The following CYP26A1 variants were observed in gnomAD, a reference collection of about 807,000 sequenced individuals.
CYP26A1 encodes the protein cytochrome P450 family 26 subfamily A member 1, also known as cytochrome P450 26A1.
In CYP26A1, 46 loss-of-function variants were observed where a neutral mutation model predicts 47.4. That is an observed-to-expected ratio of 0.97 (90% CI 0.77 to 1.24). The LOEUF is 1.24. Ranked by LOEUF, CYP26A1 falls within the 50% of genes most tolerant of loss-of-function variation. CYP26A1 has a pLI of 0.00. For missense variants in CYP26A1, 680 were observed against 644.4 expected (o/e 1.06, Z -0.60); for synonymous variants, 277 against 263.7 (o/e 1.05, Z -0.49).
rs762685884 is a variant in CYP26A1 at position 93,075,085 on chromosome 10, G to A, written c.705+16G>A. On this transcript the variant is annotated intron_variant, in intron 3 of 6. Coordinates refer to ENST00000224356, the MANE Select transcript of CYP26A1 (RefSeq NM_000783.4). The stretch of plus-strand genomic sequence containing the variant: ...GCTGTACCGGGTAAGGGCGGCAAAC[G>A]GGCTGCGGACTAGGGGCGCGGGACC... 2 of 1,611,262 alleles carry A rather than the reference G, an allele frequency of 1.2e-6. No individual in the cohort carries two copies. Among genetic ancestry groups the A allele is most frequent in the East Asian group, 4.5e-5 (2 of 44,848 alleles).
In CYP26A1 at chr10:93,076,271, G is replaced by A. The variant is rs1846976086; in HGVS notation, c.1000-273G>A. 4 of 468,800 alleles carry A rather than the reference G, an allele frequency of 8.5e-6. No individual in the cohort carries two copies. The South Asian group carries it at 1.2e-4, about 14-fold the overall frequency. 29.0% of individuals were successfully genotyped at this position (468,800 alleles called of 1,614,324 possible). On this transcript the variant is annotated intron_variant, in intron 5 of 6. Coordinates refer to ENST00000224356, the MANE Select transcript of CYP26A1 (RefSeq NM_000783.4). ...TCCAAGGGCATACATAGTGTGAATA[G>A]CTGATTAGTGTGGGTGGTGGTGGTG...
At position 93,074,956 on chromosome 10, in the gene CYP26A1, C is replaced by T; in HGVS notation, c.592C>T (p.Pro198Ser). ...IAMRILLGCE[P>S]QLAGDGDSEQ... ...CATGCGCATCCTACTGGGCTGCGAA[C>T]CCCAACTGGCGGGCGACGGGGACTC... The change falls in exon 3 of 7, where the codon CCC becomes TCC. Residue 198 changes from proline to serine, a missense_variant. By Grantham distance (74) the Pro-to-Ser change is moderately conservative. Transcript: ENST00000224356. The surrounding 1 kb of genome is among the most constrained non-coding windows in gnomAD (Gnocchi z 5.3). 6.2e-7 allele frequency: 1 copy of T among 1,613,260 alleles called. No homozygotes were observed. Among genetic ancestry groups the T allele is most frequent in the Non-Finnish European group, 8.5e-7 (1 of 1,180,016 alleles).
At chr10:93,076,745 C>T (rs1388866169) in intron 6 of CYP26A1, 49 bp downstream of exon 6, 9 of 1,347,006 alleles carry the variant, frequency 6.7e-6, no homozygotes, top group South Asian at 2.5e-5. Context: ...TTTAAAAACT[C>T]CTCTTTCTTC....
chr10:93,074,960 A>G lies in CYP26A1; in HGVS notation c.596A>G (p.Gln199Arg), dbSNP rs75690427. The change falls in exon 3 of 7, where the codon CAA (glutamine) becomes CGA (arginine). Residue 199 changes from glutamine (Q) to arginine (R), a missense_variant. Physicochemically the swap from Gln to Arg is conservative, Grantham distance 43 (BLOSUM62 1). Coordinates refer to ENST00000224356, the MANE Select transcript of CYP26A1 (RefSeq NM_000783.4). This position sits in a 1 kb window ranked among gnomAD's most constrained non-coding sequence, Gnocchi z 5.3. Reference protein sequence around the residue: ...AMRILLGCEPQLAGDGDSEQQ... With the variant: ...AMRILLGCEPRLAGDGDSEQQ... ...CGCATCCTACTGGGCTGCGAACCCCAACTGGCGGGCGACGGGGACTCCGAG... is the reference window on the plus strand; with the variant it reads ...CGCATCCTACTGGGCTGCGAACCCCGACTGGCGGGCGACGGGGACTCCGAG... 2 of 1,613,178 alleles carry G rather than the reference A, an allele frequency of 1.2e-6. No homozygotes were observed. The highest frequency in any genetic ancestry group is 1.1e-5 in the South Asian group (1 of 91,080).
In CYP26A1 at chr10:93,074,171, G is replaced by A. The variant is rs749577327; in HGVS notation, c.189+48G>A. ...AGGCTGCTTCCCCGGAGCCCGGCGC[G>A]GCTCTGGGCTTCTGCTGAAGTCGGG... On this transcript the variant is annotated intron_variant, in intron 1 of 6. Transcript: ENST00000224356. The surrounding 1 kb of genome is among the most constrained non-coding windows in gnomAD (Gnocchi z 5.3). The A allele has an allele frequency of 1.3e-6, 2 of 1,520,858 alleles. No individual in the cohort carries two copies. The highest frequency in any genetic ancestry group is 8.8e-7 in the Non-Finnish European group (1 of 1,132,328). The allele number at this position is 1,520,858 out of a possible 1,614,324, so 94.2% of individuals were successfully genotyped here.
At position 93,077,286 on chromosome 10, in the gene CYP26A1, T is replaced by C; in HGVS notation, c.1476T>C (p.His492=). The C allele has an allele frequency of 1.3e-6, 2 of 1,537,544 alleles. No homozygotes were observed. Among genetic ancestry groups the C allele is most frequent in the Non-Finnish European group, 1.8e-6 (2 of 1,141,680 alleles). ...PVDNLPARFT[H]FHGEI ...ACAATCTCCCTGCAAGATTCACCCA[T>C]TTCCATGGGGAAATCTGATGAGCTT... The change falls in exon 7 of 7, where the codon CAT becomes CAC. Residue 492 remains histidine (H), a synonymous_variant. Coordinates refer to ENST00000224356, the MANE Select transcript of CYP26A1 (RefSeq NM_000783.4).
rs1439890406 is a variant in CYP26A1, at chr10:93,074,812, G to T, written c.448G>T (p.Glu150Ter). 6.2e-7 allele frequency: 1 copy of T among 1,609,060 alleles called. No homozygotes were observed. Among genetic ancestry groups the T allele is most frequent in the Admixed American group, 1.7e-5 (1 of 60,030 alleles). ...GCGGGCCTTCAGCCGCGAGGCACTC[G>T]AATGCTACGTGCCGGTGATCACCGA... ...IMRAFSREAL[E>*]CYVPVITEEV... The change falls in exon 3 of 7, where the codon GAA becomes TAA. Residue 150 changes from glutamate to a stop codon, truncating the protein, a stop_gained. Coordinates refer to ENST00000224356, the MANE Select transcript of CYP26A1 (RefSeq NM_000783.4). LOFTEE classifies it high-confidence loss of function. The surrounding 1 kb of genome is among the most constrained non-coding windows in gnomAD (Gnocchi z 5.3).
In CYP26A1 at chr10:93,074,245, G is replaced by A. The variant is rs1473204631; in HGVS notation, c.190-63G>A. 7.2e-6 allele frequency: 11 copies of A among 1,525,284 alleles called. No homozygotes were observed. The highest frequency in any genetic ancestry group is 2.2e-4 in the Middle Eastern group (1 of 4,520). 94.5% of individuals were successfully genotyped at this position (1,525,284 alleles called of 1,614,324 possible). A position where few individuals can be genotyped will look rare whatever the true frequency, so the allele number is the denominator to read the frequency against. On this transcript the variant is annotated intron_variant, in intron 1 of 6. Transcript: ENST00000224356. The surrounding 1 kb of genome is among the most constrained non-coding windows in gnomAD (Gnocchi z 5.3). ...TATTGCGGCTAGGAGCAGGGCTGGCGGGAGCGCGGCGCTCCCCGGCGCCCC... is the reference window on the plus strand; with the variant it reads ...TATTGCGGCTAGGAGCAGGGCTGGCAGGAGCGCGGCGCTCCCCGGCGCCCC...
intron 5 of CYP26A1, chr10:93,076,313 G>T: frequency 3.3e-6 from 1 of 303,100 alleles, no homozygotes; most frequent in African/African-American, 2.5e-5. Context: ...GGGTGGGGGG[G>T]CGTGGGGAGA....
intron 6 of CYP26A1, 81 bp from the exon 7 acceptor site, chr10:93,076,882 C>T: frequency 1.8e-6 from 2 of 1,085,908 alleles, no homozygotes; most frequent in Non-Finnish European, 2.7e-6. Flanking sequence ...TAATTTCCCC[C>T]AAAGATATCA....
At position 93,074,583 on chromosome 10, in the gene CYP26A1, C is replaced by A; in HGVS notation, c.414+51C>A. Reference sequence around the variant, plus strand: ...CAGGGAGGGGGACCCCATTTATGAGCGGAATTCCGGCTGATGGATGCTAGG... The same window carrying A: ...CAGGGAGGGGGACCCCATTTATGAGAGGAATTCCGGCTGATGGATGCTAGG... On this transcript the variant is annotated intron_variant, in intron 2 of 6. Transcript: ENST00000224356. This position sits in a 1 kb window ranked among gnomAD's most constrained non-coding sequence, Gnocchi z 5.3. 2 of 1,254,012 alleles carry A rather than the reference C, an allele frequency of 1.6e-6. No individual in the cohort carries two copies. The highest frequency in any genetic ancestry group is 2.3e-6 in the Non-Finnish European group (2 of 854,180). The allele number at this position is 1,254,012 out of a possible 1,614,324, so 77.7% of individuals were successfully genotyped here.
At chr10:93,076,937 C>G (rs765122042) in intron 6 of CYP26A1, 26 bp from the exon 7 acceptor site, 2 of 1,436,832 alleles carry the variant, frequency 1.4e-6, no homozygotes, top group African/African-American at 1.4e-5. Flanking sequence ...GTTTGTCAGC[C>G]CTTGGGGTTT....
rs1318565611 is a variant in CYP26A1, at chr10:93,077,750, A to C, written c.*446A>C. On this transcript the variant is annotated 3_prime_UTR_variant, in exon 7 of 7. Transcript: ENST00000224356. ...ATTCCCTATTTGGAAAATTGATCCA[A>C]GTTAATTTAATTTTTTTTTGGTTTG... 1 of 152,336 alleles carries C rather than the reference A, an allele frequency of 6.6e-6. No homozygotes were observed. The highest frequency in any genetic ancestry group is 6.5e-5 in the Admixed American group (1 of 15,276). 9.4% of individuals were successfully genotyped at this position (152,336 alleles called of 1,614,324 possible). A position where few individuals can be genotyped will look rare whatever the true frequency, so the allele number is the denominator to read the frequency against.
chr10:93,075,880 A>G lies in CYP26A1; in HGVS notation c.919A>G (p.Ser307Gly). ...CTTTGGAGGACACGAAACCACGGCCAGTGCAGCCACATCTCTGATCACTTA... is the reference window on the plus strand; with the variant it reads ...CTTTGGAGGACACGAAACCACGGCCGGTGCAGCCACATCTCTGATCACTTA... ...LLFGGHETTA[S>G]AATSLITYLG... is the part of the protein sequence containing the mutation. The change falls in exon 5 of 7, where the codon AGT (serine) becomes GGT (glycine). Residue 307 changes from serine (S) to glycine (G), a missense_variant. By Grantham distance (56) the Ser-to-Gly change is moderately conservative (BLOSUM62 0). Coordinates refer to ENST00000224356, the MANE Select transcript of CYP26A1 (RefSeq NM_000783.4). 6.2e-7 allele frequency: 1 copy of G among 1,610,808 alleles called. No homozygotes were observed. The highest frequency in any genetic ancestry group is 8.5e-7 in the Non-Finnish European group (1 of 1,176,936).
rs766739833 is a variant in CYP26A1, at chr10:93,075,891, A to G, written c.930A>G (p.Thr310=). 7.4e-6 allele frequency: 12 copies of G among 1,611,360 alleles called. No homozygotes were observed. Among genetic ancestry groups the G allele is most frequent in the East Asian group, 2.2e-5 (1 of 44,870 alleles). ...ACGAAACCACGGCCAGTGCAGCCACATCTCTGATCACTTACCTGGGGCTCT... is the reference window on the plus strand; with the variant it reads ...ACGAAACCACGGCCAGTGCAGCCACGTCTCTGATCACTTACCTGGGGCTCT... The part of the protein sequence containing the change: ...GGHETTASAA[T]SLITYLGLYP... Residue 310 remains threonine (T), a synonymous_variant, in exon 5 of 7, where the codon ACA becomes ACG. Coordinates refer to ENST00000224356, the MANE Select transcript of CYP26A1 (RefSeq NM_000783.4).
At position 93,076,560 on chromosome 10, in the gene CYP26A1, G is replaced by A. The variant is rs1020398563; in HGVS notation, c.1016G>A (p.Ser339Asn). 6.2e-7 allele frequency: 1 copy of A among 1,607,378 alleles called. No individual in the cohort carries two copies. ...ELKSKGLLCK[S>N]NQDNKLDMEI... Reference sequence around the variant, plus strand: ...TTTTGATAGGGTTTACTTTGCAAGAGCAATCAAGACAACAAGTTGGACATG... The same window carrying A: ...TTTTGATAGGGTTTACTTTGCAAGAACAATCAAGACAACAAGTTGGACATG... The change falls in exon 6 of 7, where the codon AGC (serine) becomes AAC (asparagine). Residue 339 changes from serine (S) to asparagine (N), a missense_variant. By Grantham distance (46) the Ser-to-Asn change is conservative (BLOSUM62 1). Coordinates refer to ENST00000224356, the MANE Select transcript of CYP26A1 (RefSeq NM_000783.4).
Position 93,074,405 on chromosome 10 carries a change from A to G in CYP26A1, c.287A>G (p.Asn96Ser). 2.5e-6 allele frequency: 4 copies of G among 1,612,028 alleles called. 1 individual carries two copies. In the South Asian group the frequency reaches 3.3e-5, roughly 13 times the overall value. Residue 96 changes from asparagine (N) to serine (S), a missense_variant, in exon 2 of 7, where the codon AAT becomes AGT. Transcript: ENST00000224356. This position sits in a 1 kb window ranked among gnomAD's most constrained non-coding sequence, Gnocchi z 5.3. ...ACCGTACGGGTGATGGGCGCGGACA[A>G]TGTGCGGCGCATCTTGCTCGGAGAG... is the stretch of plus-strand genomic sequence containing the variant. ...RPTVRVMGAD[N>S]VRRILLGEHR... is the part of the protein sequence containing the mutation.
intron 5 of CYP26A1, 115 bp from the exon 6 acceptor site, chr10:93,076,429 C>G: frequency 1.5e-6 from 1 of 680,964 alleles, no homozygotes; most frequent in Non-Finnish European, 2.5e-6. Flanking sequence ...CTCCCAGTCT[C>G]TCCCATCATG....
At position 93,075,198 on chromosome 10, in the gene CYP26A1, G is replaced by C; in HGVS notation, c.755G>C (p.Arg252Pro). Residue 252 changes from arginine (R) to proline (P), a missense_variant, in exon 4 of 7, where the codon CGC (arginine) becomes CCC (proline). Transcript: ENST00000224356. ...LIHARIEQNIRAKICGLRASE... is the reference protein window; with the variant it reads ...LIHARIEQNIPAKICGLRASE... ...CACGCGCGCATCGAGCAGAACATTCGCGCCAAGATCTGCGGGCTGCGGGCA... is the reference window on the plus strand; with the variant it reads ...CACGCGCGCATCGAGCAGAACATTCCCGCCAAGATCTGCGGGCTGCGGGCA... 6.2e-7 allele frequency: 1 copy of C among 1,613,874 alleles called. No individual in the cohort carries two copies. Among genetic ancestry groups the C allele is most frequent in the Non-Finnish European group, 8.5e-7 (1 of 1,179,948 alleles).
Sources: gnomAD v4.1 joint callset for allele counts on GRCh38, gnomAD v4.1.1 for gene constraint, Gnocchi (gnomAD v3.1) non-coding constraint, MANE v1.5 for transcripts, NCBI Gene and HGNC (gene_info 2026-07-23, HGNC 2026-07-21) for gene names.